GPC5: variants seen among roughly 807,000 people sequenced by gnomAD.
GPC5 encodes glypican 5.
GPC5 carries 47 observed loss-of-function variants against 53.9 expected under a neutral mutation model. The observed-to-expected ratio is 0.87, with a 90% CI of 0.69 to 1.11. The LOEUF is 1.11. Among genes scored for constraint, GPC5 ranks in the 50% most tolerant of loss-of-function variants. GPC5 has a pLI of 0.00. For synonymous variants in GPC5, 286 were observed against 263.3 expected (o/e 1.09, Z -0.84); for missense variants, 748 against 713.1 (o/e 1.05, Z -0.56).
At chr13:92,163,722 C>T (rs988437753) in intron 7 of GPC5, among the ~76,000 whole-genome samples, 3 of 152,098 alleles carry the variant, frequency 2.0e-5, no homozygotes, top group Non-Finnish European at 1.5e-5. Flanking sequence ...ATAGTAAAGA[C>T]AGTACAAATT....
intron 7 of GPC5, among the ~76,000 whole-genome samples, chr13:92,374,099 AG>A (rs2043673176): frequency 6.6e-6 from 1 of 152,206 alleles, no homozygotes; most frequent in African/African-American, 2.4e-5. Flanking sequence ...CCATAACTAT[AG>A]AATCGAACTT....
Position 92,112,201 on chromosome 13 carries a change from A to G in GPC5, c.1402-32629A>G, listed in dbSNP as rs142986866. On this transcript the variant is annotated intron_variant, in intron 6 of 7. Coordinates refer to ENST00000377067, the MANE Select transcript of GPC5 (RefSeq NM_004466.6). Reference sequence around the variant, plus strand: ...GTTCAAAGAGTTAGAGAATTTAGAAATGAAAAGAGTAAGCTAGAAATCTTG... The same window carrying G: ...GTTCAAAGAGTTAGAGAATTTAGAAGTGAAAAGAGTAAGCTAGAAATCTTG... Among the ~76,000 whole-genome samples, 470 of 152,260 alleles carry G rather than the reference A, an allele frequency of 3.1e-3. 1 individual carries two copies. Among genetic ancestry groups the G allele is most frequent in the African/African-American group, 0.011 (448 of 41,568 alleles).
chr13:92,056,991 A>G (rs758588004), intron 6 of GPC5, among the ~76,000 whole-genome samples: 1 of 152,178 alleles, frequency 6.6e-6, no homozygotes, highest in Non-Finnish European at 1.5e-5. Flanking sequence ...CCTGTAATTG[A>G]TTAAAAATTG....
At chr13:91,935,776 T>A (rs2039864626) in intron 6 of GPC5, among the ~76,000 whole-genome samples, 1 of 152,040 alleles carries the variant, frequency 6.6e-6, no homozygotes, top group Non-Finnish European at 1.5e-5. Context: ...AGAGTTAATG[T>A]CAAGTGCAAA....
intron 7 of GPC5, among the ~76,000 whole-genome samples, chr13:92,383,197 CTTA>C (rs1490016952): frequency 6.6e-6 from 1 of 152,014 alleles, no homozygotes; most frequent in Non-Finnish European, 1.5e-5. Flanking sequence ...AAGAGGCAGG[CTTA>C]TTATTATTTT....
At chr13:91,782,483 G>A (rs973873240) in intron 5 of GPC5, among the ~76,000 whole-genome samples, 2 of 152,134 alleles carry the variant, frequency 1.3e-5, no homozygotes, top group East Asian at 1.9e-4. Flanking sequence ...AGGAGAGACT[G>A]CCCCTTAGAA....
At chr13:91,465,751 T>G (rs1447196573) in intron 2 of GPC5, among the ~76,000 whole-genome samples, 3 of 151,798 alleles carry the variant, frequency 2.0e-5, no homozygotes, top group Admixed American at 2.0e-4. Context: ...ATCTTTAACT[T>G]TTTTTCCTCA....
chr13:92,450,106 TC>T (rs889120595), intron 7 of GPC5, among the ~76,000 whole-genome samples: 2 of 152,142 alleles, frequency 1.3e-5, no homozygotes, highest in Non-Finnish European at 2.9e-5. Context: ...AAACATTTCT[TC>T]CCTTTTTTTG....
chr13:92,613,384 A>ATAT (rs1555295313), intron 7 of GPC5, among the ~76,000 whole-genome samples: 5 of 68,880 alleles, frequency 7.3e-5, no homozygotes, highest in African/African-American at 2.0e-4. Flanking sequence ...AATATATTAT[A>ATAT]TTATATATAA....
chr13:91,488,299 C>G (rs1385960250), intron 2 of GPC5, among the ~76,000 whole-genome samples: 1 of 152,104 alleles, frequency 6.6e-6, no homozygotes, highest in Admixed American at 6.5e-5. Flanking sequence ...AATTTATAAA[C>G]TAACCCGCTT....
intron 2 of GPC5, among the ~76,000 whole-genome samples, chr13:91,485,142 A>T (rs182461775): frequency 3.2e-4 from 48 of 152,224 alleles, no homozygotes; most frequent in Non-Finnish European, 2.8e-4. Flanking sequence ...ACTGTTCTAG[A>T]TCACATATAC....
chr13:92,685,561 T>TTTTTTTTTTTAA (rs1555302924), intron 7 of GPC5, among the ~76,000 whole-genome samples: 10,182 of 99,450 alleles, frequency 0.1, 346 homozygotes, highest in South Asian at 0.14. Flanking sequence ...TTTTTTTTAA[T>TTTTTTTTTTTAA]TTTTTTTTTT....
chr13:92,414,228 G>A (rs1876179066), intron 7 of GPC5, among the ~76,000 whole-genome samples: 1 of 152,066 alleles, frequency 6.6e-6, no homozygotes, highest in African/African-American at 2.4e-5. Context: ...CTTTGGGCTG[G>A]GTGCAGTGGC....
At chr13:91,834,814 A>G (rs2038704558) in intron 5 of GPC5, among the ~76,000 whole-genome samples, 1 of 152,214 alleles carries the variant, frequency 6.6e-6, no homozygotes, top group South Asian at 2.1e-4. Context: ...CGTAGGCAAT[A>G]CTATTCAGGA....
chr13:92,147,559 C>A (rs996556667), intron 7 of GPC5, among the ~76,000 whole-genome samples: 1 of 151,974 alleles, frequency 6.6e-6, no homozygotes, highest in Admixed American at 6.6e-5. Flanking sequence ...TAATAGTTTT[C>A]TTCACAAAAC....
At chr13:92,446,743 C>T (rs1201303629) in intron 7 of GPC5, 3 of 152,102 alleles carry the variant, frequency 2.0e-5, no homozygotes. Context: ...TATACATTCC[C>T]ACCAACAGTG....
chr13:92,249,731 C>G (rs9523553), intron 7 of GPC5, among the ~76,000 whole-genome samples: 84,204 of 150,378 alleles, frequency 0.56, 23,675 homozygotes, highest in South Asian at 0.65. Flanking sequence ...GCAGAGCGGA[C>G]CAGGCAATTC....
chr13:91,721,134 TTTC>T (rs2036462982), intron 3 of GPC5, among the ~76,000 whole-genome samples: 2 of 114,356 alleles, frequency 1.7e-5, no homozygotes, highest in African/African-American at 6.6e-5. Context: ...TCTTTCTTTC[TTTC>T]TTTTTTTGGG....
In GPC5 at chr13:92,096,832, G is replaced by A. The variant is rs116949111; in HGVS notation, c.1402-47998G>A. Among the ~76,000 whole-genome samples, 146 of 152,242 alleles carry A rather than the reference G, an allele frequency of 9.6e-4. 2 individuals are homozygous for A. The East Asian group carries it at 0.014, about 14-fold the overall frequency. On this transcript the variant is annotated intron_variant, in intron 6 of 7. Coordinates refer to ENST00000377067, the MANE Select transcript of GPC5 (RefSeq NM_004466.6). Reference sequence around the variant, plus strand: ...ACAGAGTCTAGTATCTGAAAGTAAGGGTCTGTTGTAACAAATCTTAAAAAT... The same window carrying A: ...ACAGAGTCTAGTATCTGAAAGTAAGAGTCTGTTGTAACAAATCTTAAAAAT...
Sources: allele counts gnomAD v4.1 joint callset (sites outside exome capture counted in the v4.1 genomes callset), GRCh38; gene constraint gnomAD v4.1.1; transcripts MANE v1.5; gene names NCBI Gene and HGNC (gene_info 2026-07-23, HGNC 2026-07-21).